The following TMTC1 variants were observed in gnomAD, a reference collection of about 807,000 sequenced individuals.
The protein encoded by TMTC1 is transmembrane O-mannosyltransferase targeting cadherins 1, also known as protein O-mannosyl-transferase TMTC1.
A neutral mutation model predicts 104.8 loss-of-function variants in TMTC1; 73 were observed. The ratio of observed to expected loss-of-function variants is 0.70; its 90% CI spans 0.58 to 0.85. The LOEUF (loss-of-function observed/expected upper bound fraction) is 0.85. TMTC1 is among the 40% of genes least tolerant of loss of function. TMTC1 has a pLI of 0.00. For synonymous variants in TMTC1, 434 were observed against 428.7 expected (o/e 1.01, Z -0.15); for missense variants, 1,035 against 1,096.1 (o/e 0.94, Z 0.79).
At chr12:29,507,736 G>A (rs1443708398) in intron 17 of TMTC1, among the ~76,000 whole-genome samples, 1 of 152,166 alleles carries the variant, frequency 6.6e-6, no homozygotes, top group East Asian at 1.9e-4. Flanking sequence ...CTCAGTCACA[G>A]CTATTAGCTT....
intron 6 of TMTC1, among the ~76,000 whole-genome samples, chr12:29,616,358 C>A (rs890125620): frequency 1.3e-5 from 2 of 152,148 alleles, no homozygotes; most frequent in African/African-American, 2.4e-5. Context: ...TCAACTATAG[C>A]CATCACGCTA....
intron 6 of TMTC1, chr12:29,614,056 A>G (rs1056625538): frequency 1.5e-5 from 4 of 266,592 alleles, no homozygotes; most frequent in Non-Finnish European, 2.3e-5. Flanking sequence ...GTTTTAGAGT[A>G]GCACTTCCAA....
intron 17 of TMTC1, among the ~76,000 whole-genome samples, chr12:29,510,314 T>C (rs1221445211): frequency 2.6e-5 from 4 of 152,192 alleles, no homozygotes; most frequent in African/African-American, 9.7e-5. Context: ...TATTATAATC[T>C]TATGAGACCA....
intron 10 of TMTC1, among the ~76,000 whole-genome samples, chr12:29,545,628 G>GTC (rs1462995781): frequency 0.072 from 3,592 of 50,158 alleles, 179 homozygotes; most frequent in African/African-American, 0.23. Context: ...GCAAGACTCT[G>GTC]TCACACACAC....
intron 17 of TMTC1, among the ~76,000 whole-genome samples, chr12:29,510,240 T>C (rs1943795711): frequency 6.6e-6 from 1 of 152,182 alleles, no homozygotes; most frequent in Non-Finnish European, 1.5e-5. Context: ...TAGGCAATGG[T>C]AACGCAGTGG....
At chr12:29,637,088 ACACAC>A (rs745768168) in intron 5 of TMTC1, among the ~76,000 whole-genome samples, 43,664 of 145,822 alleles carry the variant, frequency 0.3, 7,516 homozygotes, top group South Asian at 0.39. Flanking sequence ...AATGAGAAAC[ACACAC>A]ACACACACAC....
intron 8 of TMTC1, among the ~76,000 whole-genome samples, chr12:29,580,512 A>G (rs2136322164): frequency 6.6e-6 from 1 of 152,252 alleles, no homozygotes; most frequent in East Asian, 1.9e-4. Flanking sequence ...AAGATTGCTC[A>G]TGGAATGGTC....
chr12:29,783,477 T>C lies in TMTC1; in HGVS notation c.275A>G (p.Tyr92Cys). Residue 92 changes from tyrosine (Y) to cysteine (C), a missense_variant, in exon 1 of 18, where the codon TAC becomes TGC. Tyr to Cys is a radical substitution (Grantham distance 194). Coordinates refer to ENST00000539277, the MANE Select transcript of TMTC1 (RefSeq NM_001193451.2). The surrounding 1 kb of genome is among the most constrained non-coding windows in gnomAD (Gnocchi z 4.7). ...GMAENTSHKS[Y>C]RPLCVLTFKL... ...GAAGGTGAGGACGCAGAGCGGCCGG[T>C]AGGACTTGTGGCTGGTGTTCTCGGC... 3 of 1,352,602 alleles carry C rather than the reference T, an allele frequency of 2.2e-6. No individual in the cohort carries two copies. Among genetic ancestry groups the C allele is most frequent in the Non-Finnish European group, 2.9e-6 (3 of 1,045,978 alleles). 83.8% of individuals were successfully genotyped at this position (1,352,602 alleles called of 1,614,324 possible).
chr12:29,700,007 T>C (rs1455810464), intron 5 of TMTC1, among the ~76,000 whole-genome samples: 2 of 152,014 alleles, frequency 1.3e-5, no homozygotes, highest in Admixed American at 6.6e-5. Flanking sequence ...AGATTCCCTT[T>C]AATATCAGAC....
intron 6 of TMTC1, 48 bp from the exon 7 acceptor site, chr12:29,604,347 C>T (rs759552285): frequency 1.2e-6 from 2 of 1,609,956 alleles, no homozygotes; most frequent in South Asian, 1.1e-5. Context: ...TTGAATTCCA[C>T]TTCAGGCAGC....
chr12:29,748,087 G>A (rs1266304426), intron 5 of TMTC1, among the ~76,000 whole-genome samples: 2 of 151,624 alleles, frequency 1.3e-5, no homozygotes, highest in African/African-American at 4.8e-5. Flanking sequence ...TTTGTTTTTT[G>A]TTTTCCAAAG....
chr12:29,760,368 C>T (rs1360957656), intron 2 of TMTC1, among the ~76,000 whole-genome samples: 1 of 152,104 alleles, frequency 6.6e-6, no homozygotes, highest in Non-Finnish European at 1.5e-5. Flanking sequence ...TGGGAAATAA[C>T]CATTTTGCTT....
At chr12:29,643,632 A>ATAGATATATGTTATAT in intron 5 of TMTC1, among the ~76,000 whole-genome samples, 2 of 37,346 alleles carry the variant, frequency 5.4e-5, no homozygotes, top group Non-Finnish European at 8.8e-5. Flanking sequence ...TATATATTAT[A>ATAGATATATGTTATAT]TATATAATAT....
chr12:29,563,070 A>T (rs1945418957), intron 9 of TMTC1, among the ~76,000 whole-genome samples: 1 of 152,122 alleles, frequency 6.6e-6, no homozygotes, highest in Non-Finnish European at 1.5e-5. Flanking sequence ...TTTCTCCTAT[A>T]CTGAGAGTTC....
intron 11 of TMTC1, among the ~76,000 whole-genome samples, chr12:29,525,026 G>A (rs1944295750): frequency 2.0e-5 from 3 of 151,630 alleles, no homozygotes; most frequent in African/African-American, 4.9e-5. Context: ...AAACTTTCCT[G>A]ATTAGCTTTA....
intron 17 of TMTC1, among the ~76,000 whole-genome samples, chr12:29,511,404 A>G (rs967613365): frequency 1.3e-5 from 2 of 152,106 alleles, no homozygotes; most frequent in Admixed American, 6.6e-5. Flanking sequence ...GACACATAGG[A>G]TGTTCGCCAT....
Position 29,506,756 on chromosome 12 carries a change from T to G in TMTC1, c.*90A>C. The G allele has an allele frequency of 6.6e-7, 1 of 1,504,092 alleles. No homozygotes were observed. Among genetic ancestry groups the G allele is most frequent in the Admixed American group, 1.7e-5 (1 of 59,116 alleles). The allele number at this position is 1,504,092 out of a possible 1,614,324, so 93.2% of individuals were successfully genotyped here. ...TCGGAATGAGAGAAAATCTCATTAG[T>G]TGTGCCCCTGCTGATGTGAAAGCAA... On this transcript the variant is annotated 3_prime_UTR_variant, in exon 18 of 18. Transcript: ENST00000539277.
intron 7 of TMTC1, among the ~76,000 whole-genome samples, chr12:29,587,545 G>C (rs1946171851): frequency 6.6e-6 from 1 of 152,048 alleles, no homozygotes. Context: ...TGTTGCCCAG[G>C]CTGGTCTTGA....
chr12:29,667,878 C>A (rs975076523), intron 5 of TMTC1, among the ~76,000 whole-genome samples: 14 of 152,168 alleles, frequency 9.2e-5, no homozygotes, highest in African/African-American at 3.4e-4. Flanking sequence ...AAGCACCTTA[C>A]CATTTTTATT....
Sources: gnomAD v4.1 joint callset for allele counts (sites outside exome capture counted in the v4.1 genomes callset) on GRCh38, gnomAD v4.1.1 for gene constraint, Gnocchi (gnomAD v3.1) non-coding constraint, MANE v1.5 for transcripts, NCBI Gene and HGNC (gene_info 2026-07-23, HGNC 2026-07-21) for gene names.